CTNNA2: variants seen among roughly 807,000 people sequenced by gnomAD.
CTNNA2 encodes the protein catenin alpha 2.
Under a neutral mutation model 101.0 loss-of-function variants are expected in CTNNA2, and 42 were observed. The ratio of observed to expected loss-of-function variants is 0.42; its 90% CI spans 0.32 to 0.54. The LOEUF is 0.54. CTNNA2 is among the 20% of genes least tolerant of loss of function. CTNNA2 has a pLI of 0.14. For synonymous variants in CTNNA2, 450 were observed against 456.4 expected (o/e 0.99, Z 0.18); for missense variants, 871 against 1,223.1 (o/e 0.71, Z 4.29).
At position 79,944,842 on chromosome 2, in the gene CTNNA2, A is replaced by G. The variant is rs534403791; in HGVS notation, c.1056+35045A>G. ...ATACACAATGACAGCATTGTTTTAA[A>G]CATTTCATTAAGCCTGTTAAGGTTC... On this transcript the variant is annotated intron_variant, in intron 7 of 18. Coordinates refer to ENST00000402739, the MANE Select transcript of CTNNA2 (RefSeq NM_001282597.3). Among the ~76,000 whole-genome samples the G allele has an allele frequency of 7.2e-5, 11 of 152,270 alleles. No homozygotes were observed. The East Asian group carries it at 1.7e-3, about 24-fold the overall frequency.
intron 7 of CTNNA2, among the ~76,000 whole-genome samples, chr2:80,329,131 A>C (rs1367114293): frequency 2.6e-5 from 4 of 152,234 alleles, no homozygotes; most frequent in Non-Finnish European, 5.9e-5. Context: ...AGAATCACAC[A>C]AACTCTGTTT....
At chr2:80,187,005 T>C (rs1482721237) in intron 7 of CTNNA2, among the ~76,000 whole-genome samples, 1 of 152,238 alleles carries the variant, frequency 6.6e-6, no homozygotes, top group African/African-American at 2.4e-5. Flanking sequence ...TGGTGAATTA[T>C]GGTGCTTGCT....
intron 18 of CTNNA2, among the ~76,000 whole-genome samples, chr2:80,633,741 A>G (rs1409578327): frequency 6.6e-6 from 1 of 152,182 alleles, no homozygotes; most frequent in Non-Finnish European, 1.5e-5. Context: ...TGTACATGTT[A>G]TGAAGATTAA....
At chr2:80,405,929 A>C (rs780593977) in intron 8 of CTNNA2, among the ~76,000 whole-genome samples, 5 of 152,186 alleles carry the variant, frequency 3.3e-5, no homozygotes, top group Non-Finnish European at 1.5e-5. Flanking sequence ...GAATGCATCA[A>C]TCCTGTTTAA....
chr2:80,571,680 A>G (rs1694615756), intron 12 of CTNNA2, among the ~76,000 whole-genome samples: 2 of 152,208 alleles, frequency 1.3e-5, no homozygotes, highest in Middle Eastern at 3.4e-3. Context: ...CTTTGACCTC[A>G]GGGCTTATTC....
At chr2:80,548,728 C>CA (rs1373770365) in intron 11 of CTNNA2, among the ~76,000 whole-genome samples, 1 of 152,116 alleles carries the variant, frequency 6.6e-6, no homozygotes, top group African/African-American at 2.4e-5. Context: ...CGGGGTTTGA[C>CA]AAATAATGAT....
intron 7 of CTNNA2, among the ~76,000 whole-genome samples, chr2:80,110,351 G>A (rs1441147989): frequency 6.6e-6 from 1 of 152,090 alleles, no homozygotes; most frequent in African/African-American, 2.4e-5. Context: ...TTATTTTAGA[G>A]GTTAAAATGT....
intron 17 of CTNNA2, among the ~76,000 whole-genome samples, chr2:80,608,848 C>G (rs1202224731): frequency 6.6e-6 from 1 of 151,870 alleles, no homozygotes; most frequent in Non-Finnish European, 1.5e-5. Context: ...CAAAAACTAA[C>G]ATAATTGTCG....
intron 3 of CTNNA2, among the ~76,000 whole-genome samples, chr2:79,345,853 C>T (rs945087831): frequency 2.2e-4 from 30 of 138,298 alleles, no homozygotes; most frequent in African/African-American, 6.4e-4. Flanking sequence ...CCATCACGCC[C>T]GGTTGATTTT....
chr2:80,573,951 A>G (rs772996016), intron 12 of CTNNA2, among the ~76,000 whole-genome samples: 34 of 152,274 alleles, frequency 2.2e-4, no homozygotes, highest in African/African-American at 8.2e-4. Context: ...ATCACCATGC[A>G]TAGAATAACA....
chr2:80,537,938 G>T (rs1482497038), intron 9 of CTNNA2, among the ~76,000 whole-genome samples: 3 of 152,120 alleles, frequency 2.0e-5, no homozygotes, highest in Admixed American at 2.0e-4. Flanking sequence ...GGCATAAGAT[G>T]ATATCTCACT....
At chr2:80,592,049 G>T (rs942998311) in intron 15 of CTNNA2, among the ~76,000 whole-genome samples, 5 of 152,084 alleles carry the variant, frequency 3.3e-5, no homozygotes, top group Non-Finnish European at 5.9e-5. Flanking sequence ...CAAAAGGCGT[G>T]CAGATAGCAA....
At chr2:80,408,203 G>A (rs1394226930) in intron 8 of CTNNA2, among the ~76,000 whole-genome samples, 1 of 152,120 alleles carries the variant, frequency 6.6e-6, no homozygotes, top group African/African-American at 2.4e-5. Context: ...ATTTATAATA[G>A]ACGTTCTTCT....
chr2:79,911,049 A>T (rs982999130), intron 7 of CTNNA2, among the ~76,000 whole-genome samples: 4 of 152,208 alleles, frequency 2.6e-5, no homozygotes, highest in African/African-American at 9.6e-5. Flanking sequence ...TGGATGCATC[A>T]TGTGGCACCC....
intron 11 of CTNNA2, among the ~76,000 whole-genome samples, chr2:80,554,813 G>C (rs975885978): frequency 6.6e-6 from 1 of 152,122 alleles, no homozygotes; most frequent in Non-Finnish European, 1.5e-5. Flanking sequence ...TAAACTTTTT[G>C]AACATTTCCT....
intron 2 of CTNNA2, among the ~76,000 whole-genome samples, chr2:79,278,643 T>C (rs1396967063): frequency 2.6e-5 from 4 of 152,078 alleles, no homozygotes; most frequent in African/African-American, 7.2e-5. Context: ...TATTTAGATA[T>C]AAAATAAGCA....
intron 7 of CTNNA2, among the ~76,000 whole-genome samples, chr2:80,316,372 T>C (rs1678125983): frequency 6.6e-6 from 1 of 152,214 alleles, no homozygotes; most frequent in East Asian, 1.9e-4. Context: ...GGCATGTACT[T>C]AAACTGACCT....
At chr2:80,558,937 G>A (rs1461297077) in intron 12 of CTNNA2, among the ~76,000 whole-genome samples, 1 of 152,070 alleles carries the variant, frequency 6.6e-6, no homozygotes, top group East Asian at 1.9e-4. Context: ...TTGACACTTT[G>A]GTCTGAACAG....
intron 7 of CTNNA2, among the ~76,000 whole-genome samples, chr2:80,292,478 G>A (rs1238147658): frequency 6.6e-6 from 1 of 152,088 alleles, no homozygotes; most frequent in Non-Finnish European, 1.5e-5. Context: ...TACTCTGAAC[G>A]AGGAGGGATG....
Sources: allele counts gnomAD v4.1 joint callset (sites outside exome capture counted in the v4.1 genomes callset), GRCh38; gene constraint gnomAD v4.1.1; transcripts MANE v1.5; gene names NCBI Gene and HGNC (gene_info 2026-07-23, HGNC 2026-07-21).